The following KCNQ2 variants were observed in gnomAD, a reference collection of about 807,000 sequenced individuals.
KCNQ2 encodes potassium voltage-gated channel subfamily Q member 2, also known as potassium voltage-gated channel subfamily KQT member 2.
In KCNQ2, 14 loss-of-function variants were observed where a neutral mutation model predicts 84.8. The ratio of observed to expected loss-of-function variants is 0.17; its 90% CI spans 0.11 to 0.26. KCNQ2 has a LOEUF of 0.26. Among genes scored for constraint, KCNQ2 ranks in the 10% least tolerant of loss-of-function variants. The pLI is 1.00. For missense variants in KCNQ2, 788 were observed against 1,254.0 expected, an observed-to-expected ratio of 0.63 and a Z score of 5.61; for synonymous variants, 599 against 554.1, an observed-to-expected ratio of 1.08 and a Z score of -1.14.
intron 1 of KCNQ2, among the ~76,000 whole-genome samples, 158 bp downstream of exon 1, chr20:63,472,010 G>A (rs949551576): frequency 6.6e-6 from 1 of 152,112 alleles, no homozygotes; most frequent in African/African-American, 2.4e-5. Context: ...TCGCTCTCCG[G>A]TCTCGGCCCA....
At chr20:63,412,367 G>C (rs2080145509) in intron 15 of KCNQ2, 1 of 169,518 alleles carries the variant, frequency 5.9e-6, no homozygotes. Context: ...TGGAGACAAA[G>C]CACAGAAGTC....
Position 63,442,493 on chromosome 20 carries a change from G to A in KCNQ2, c.729C>T (p.Leu243=), listed in dbSNP as rs755940771. 2.5e-6 allele frequency: 4 copies of A among 1,613,518 alleles called. No homozygotes were observed. The Admixed American group carries it at 6.7e-5, about 27-fold the overall frequency. The change falls in exon 5 of 17, where the codon CTC becomes CTT. Residue 243 remains leucine, a synonymous_variant. Coordinates refer to ENST00000359125, the MANE Select transcript of KCNQ2 (RefSeq NM_172107.4). ...AGTACACCAGGAACGAGGCCAGGAT[G>A]AGACAAAGGAAGCCGATGTACCAGG... is the stretch of plus-strand genomic sequence containing the variant. ...VTAWYIGFLC[L]ILASFLVYLA...
intron 5 of KCNQ2, among the ~76,000 whole-genome samples, chr20:63,441,312 A>T (rs1331671177): frequency 2.6e-5 from 4 of 151,202 alleles, no homozygotes; most frequent in Non-Finnish European, 5.9e-5. Flanking sequence ...TTGAATCAGG[A>T]AATACCAGCA....
In KCNQ2 at chr20:63,472,284, G is replaced by A. The variant is rs377478620; in HGVS notation, c.180C>T (p.Gly60=). 5 of 1,537,692 alleles carry A rather than the reference G, an allele frequency of 3.3e-6. No individual in the cohort carries two copies. Among genetic ancestry groups the A allele is most frequent in the African/African-American group, 1.4e-5 (1 of 70,786 alleles). Residue 60 remains glycine (G), a synonymous_variant, in exon 1 of 17, where the codon GGC becomes GGT. Transcript: ENST00000359125. The part of the protein sequence containing the change: ...RGSILSKPRA[G]GAGAGKPPKR... ...TGGGGGGCTTCCCGGCGCCCGCGCC[G>A]CCCGCGCGAGGTTTGCTGAGGATGC...
rs770187706 is a variant in KCNQ2, at chr20:63,442,448, G to A, written c.774C>T (p.Asn258=). The change falls in exon 5 of 17, where the codon AAC becomes AAT. Residue 258 remains asparagine, a synonymous_variant. Coordinates refer to ENST00000359125, the MANE Select transcript of KCNQ2 (RefSeq NM_172107.4). ...CATCCGCGTAGGTGTCAAAGTGGTC[G>A]TTCTCCCCCTTCTCTGCCAAGTACA... The part of the protein sequence containing the change: ...FLVYLAEKGE[N]DHFDTYADAL... The A allele has an allele frequency of 5.4e-5, 87 of 1,613,628 alleles. No individual in the cohort carries two copies. In the Admixed American group the frequency reaches 9.5e-4, roughly 18 times the overall value.
chr20:63,435,983 T>TTC (rs2080986781), intron 7 of KCNQ2, among the ~76,000 whole-genome samples: 1 of 132,804 alleles, frequency 7.5e-6, no homozygotes, highest in Admixed American at 8.1e-5. Context: ...TGTGTGTGGT[T>TTC]TCTTTTTTTT....
Position 63,411,410 on chromosome 20 carries a change from G to T in KCNQ2, c.1763+2040C>A, listed in dbSNP as rs374386678. Reference sequence around the variant, plus strand: ...CTCAGCCAGGAGGGGCCTGTCCAGGGGGCACGGGCAGGGCCAGAGGGATGT... The same window carrying T: ...CTCAGCCAGGAGGGGCCTGTCCAGGTGGCACGGGCAGGGCCAGAGGGATGT... On this transcript the variant is annotated intron_variant, in intron 15 of 16. Transcript: ENST00000359125. Among the ~76,000 whole-genome samples the T allele has an allele frequency of 1.3e-3, 195 of 152,326 alleles. 6 individuals are homozygous for T. In the South Asian group the frequency reaches 0.039, roughly 30 times the overall value.
rs747968854 is a variant in KCNQ2 at position 63,445,329 on chromosome 20, G to A, written c.423C>T (p.Tyr141=). 3 of 1,613,854 alleles carry A rather than the reference G, an allele frequency of 1.9e-6. No homozygotes were observed. Among genetic ancestry groups the A allele is most frequent in the Non-Finnish European group, 2.5e-6 (3 of 1,180,014 alleles). Residue 141 remains tyrosine, a synonymous_variant, in exon 3 of 17, where the codon TAC becomes TAT. Coordinates refer to ENST00000359125, the MANE Select transcript of KCNQ2 (RefSeq NM_172107.4). The stretch of plus-strand genomic sequence containing the variant: ...AGCCTGCGGCCCAGATCCGCACGAA[G>A]TACTCCACGCCAAACACCACGATAG... ...IVTIVVFGVE[Y]FVRIWAAGCC... is the part of the protein sequence containing the mutation.
chr20:63,442,899 T>TCAC (rs760611957), intron 4 of KCNQ2, among the ~76,000 whole-genome samples: 11,308 of 20,658 alleles, frequency 0.55, 2,357 homozygotes, highest in Middle Eastern at 0.61. Context: ...ATCACCACCA[T>TCAC]CACCACCACC....
intron 4 of KCNQ2, among the ~76,000 whole-genome samples, chr20:63,442,974 CCATCACCACCATTACCATCACCAT>C (rs2081258408): frequency 1.4e-5 from 1 of 71,134 alleles, no homozygotes; most frequent in Non-Finnish European, 2.9e-5. Flanking sequence ...ACCACCACCA[CCATCACCACCATTACCATCACCAT>C]CACCACCATC....
intron 5 of KCNQ2, among the ~76,000 whole-genome samples, chr20:63,440,153 GCCA>G (rs1568928687): frequency 1.3e-5 from 2 of 152,184 alleles, no homozygotes; most frequent in African/African-American, 4.8e-5. Flanking sequence ...GCAGGAGGAG[GCCA>G]CCACAAGAGG....
At position 63,401,940 on chromosome 20, in the gene KCNQ2, C is replaced by T. The variant is rs1283295224; in HGVS notation, c.*4704G>A. 2.2e-5 allele frequency: 4 copies of T among 179,490 alleles called. No homozygotes were observed. Among genetic ancestry groups the T allele is most frequent in the African/African-American group, 4.9e-5 (2 of 41,190 alleles). The allele number at this position is 179,490 out of a possible 1,614,324, so 11.1% of individuals were successfully genotyped here. A position where few individuals can be genotyped will look rare whatever the true frequency, so the allele number is the denominator to read the frequency against. ...CTCGTGAGCCATCCCTCTCATACCA[C>T]GTCTGCTGGGCACCCTCCACGGCAG... On this transcript the variant is annotated 3_prime_UTR_variant, in exon 17 of 17. Transcript: ENST00000359125.
At chr20:63,451,359 G>A (rs1282020137) in intron 1 of KCNQ2, among the ~76,000 whole-genome samples, 1 of 152,032 alleles carries the variant, frequency 6.6e-6, no homozygotes, top group Non-Finnish European at 1.5e-5. Context: ...CCTGGCTTTG[G>A]GTGGAAAGTG....
At chr20:63,453,708 G>A (rs2314582) in intron 1 of KCNQ2, 13,690 of 152,336 alleles carry the variant, frequency 0.09, 1,066 homozygotes, top group African/African-American at 0.19. Context: ...CGGAGGAGGC[G>A]TGTACAGGGG....
intron 1 of KCNQ2, among the ~76,000 whole-genome samples, chr20:63,464,541 C>G (rs1162959492): frequency 6.6e-6 from 1 of 151,912 alleles, no homozygotes; most frequent in Non-Finnish European, 1.5e-5. Flanking sequence ...GCTATGAGCC[C>G]CTTTCAAGAC....
rs752844999 is a variant in KCNQ2, at chr20:63,407,059, T to G, written c.2204A>C (p.Asp735Ala). ...RQGHGTSPVG[D>A]HGSLVRIPPP... is the part of the protein sequence containing the mutation. ...CGGGATGCGCACCAGGGAGCCGTGG[T>G]CCCCCACGGGGGAGGTGCCGTGGCC... Residue 735 changes from aspartate to alanine, a missense_variant, in exon 17 of 17, where the codon GAC (aspartate) becomes GCC (alanine). This residue lies in a region of KCNQ2 where 378 missense variants were observed against 434.5 expected (regional missense o/e 0.87). Transcript: ENST00000359125. The surrounding 1 kb of genome is among the most constrained non-coding windows in gnomAD (Gnocchi z 7.2). The G allele has an allele frequency of 6.6e-6, 10 of 1,520,828 alleles. No homozygotes were observed. In the South Asian group the frequency reaches 1.2e-4, roughly 19 times the overall value. The allele number at this position is 1,520,828 out of a possible 1,614,324, so 94.2% of individuals were successfully genotyped here.
At chr20:63,424,360 C>A (rs1259944329) in intron 10 of KCNQ2, 154 bp from the exon 11 acceptor site, 1 of 830,148 alleles carries the variant, frequency 1.2e-6, no homozygotes, top group Non-Finnish European at 1.9e-6. Context: ...GGCCCACCCA[C>A]CCCAGAGAGC....
intron 12 of KCNQ2, among the ~76,000 whole-genome samples, chr20:63,417,593 G>A (rs1039009569): frequency 6.6e-6 from 1 of 152,242 alleles, no homozygotes; most frequent in African/African-American, 2.4e-5. Context: ...CTTGAGGAAT[G>A]GGCATCAGAT....
At chr20:63,431,001 G>A (rs1361627027) in intron 9 of KCNQ2, among the ~76,000 whole-genome samples, 1 of 152,198 alleles carries the variant, frequency 6.6e-6, no homozygotes, top group African/African-American at 2.4e-5. Context: ...GGCACGAGGG[G>A]AGCCAGGCCA....
Sources: gnomAD v4.1 joint callset for allele counts (sites outside exome capture counted in the v4.1 genomes callset) on GRCh38, gnomAD v4.1.1 for gene constraint, gnomAD v4.1.1 regional missense constraint, Gnocchi (gnomAD v3.1) non-coding constraint, MANE v1.5 for transcripts, NCBI Gene and HGNC (gene_info 2026-07-23, HGNC 2026-07-21) for gene names.